The following LAMP2 variants were observed in gnomAD, a reference collection of about 807,000 sequenced individuals.
The protein encoded by LAMP2 is lysosome associated membrane protein 2.
Under a neutral mutation model 25.6 loss-of-function variants are expected in LAMP2, and 4 were observed. The ratio of observed to expected loss-of-function variants is 0.16; its 90% CI spans 0.08 to 0.36. The LOEUF is 0.36. Among genes scored for constraint, LAMP2 ranks in the 10% least tolerant of loss-of-function variants. LAMP2 has a pLI of 1.00. For missense variants in LAMP2, 272 were observed against 301.4 expected (o/e 0.90, Z 0.72); for synonymous variants, 108 against 112.7 (o/e 0.96, Z 0.27).
At chrX:120,434,485 A>G (rs1414630178) in intron 8 of LAMP2, among the ~76,000 whole-genome samples, 1 of 112,264 alleles carries the variant, frequency 8.9e-6, no homozygotes, top group East Asian at 2.8e-4. Flanking sequence ...TGTTGGTAAA[A>G]CAGTAACTTT....
chrX:120,452,524 T>C (rs2058625780), intron 3 of LAMP2, among the ~76,000 whole-genome samples: 1 of 110,411 alleles, frequency 9.1e-6, no homozygotes, highest in Admixed American at 9.7e-5. Flanking sequence ...CGGGAACACT[T>C]TTAAATCAGC....
chrX:120,438,184 G>A, intron 8 of LAMP2: 1 of 752,370 alleles, frequency 1.3e-6, no homozygotes, highest in Non-Finnish European at 1.6e-6. Context: ...ATAAGTGTAA[G>A]TGCACTTCGT....
In LAMP2 at chrX:120,436,412, A is replaced by G. The variant is rs777446260; in HGVS notation, c.1094-4950T>C. The G allele has an allele frequency of 6.3e-4, 366 of 576,828 alleles. 1 individual carries two copies. The highest frequency in any genetic ancestry group is 7.3e-4 in the Non-Finnish European group (347 of 478,607). The allele number at this position is 576,828 out of a possible 1,213,427, so 47.5% of individuals were successfully genotyped here. On this transcript the variant is annotated intron_variant, in intron 8 of 8. Coordinates refer to ENST00000200639, the MANE Select transcript of LAMP2 (RefSeq NM_002294.3). Reference sequence around the variant, plus strand: ...TTCAGTTCTACTTCTAAACATTTCTAAAGTTTTTCCATTTGAAAGAAATTG... The same window carrying G: ...TTCAGTTCTACTTCTAAACATTTCTGAAGTTTTTCCATTTGAAAGAAATTG...
At chrX:120,440,804 T>C (rs1322263258) in intron 8 of LAMP2, among the ~76,000 whole-genome samples, 2 of 112,853 alleles carry the variant, frequency 1.8e-5, no homozygotes, top group Non-Finnish European at 3.7e-5. Context: ...AAAATATTTT[T>C]AAAGTGTAAC....
chrX:120,441,719 T>C lies in LAMP2; in HGVS notation c.1093+11A>G, dbSNP rs1477812556. 1.7e-6 allele frequency: 2 copies of C among 1,190,504 alleles called. No individual in the cohort carries two copies. The highest frequency in any genetic ancestry group is 5.9e-5 in the East Asian group (2 of 33,722). On this transcript the variant is annotated intron_variant, in intron 8 of 8. Coordinates refer to ENST00000200639, the MANE Select transcript of LAMP2 (RefSeq NM_002294.3). ...AACATAAATTATTAATGAAGTTTGC[T>C]TGATTCTTACCTGTAGAATACTTTC...
In LAMP2 at chrX:120,426,166, CTTTA is replaced by C. The variant is rs1415802245; in HGVS notation, c.*5153_*5156del. On this transcript the variant is annotated 3_prime_UTR_variant, in exon 9 of 9. Transcript: ENST00000200639. ...TCCATAGTGGTATGGAATGTATGAT[CTTTA>C]TTAATTTTTAATCCATCAATCTAAA... Among the ~76,000 whole-genome samples the C allele has an allele frequency of 2.0e-5, 2 of 100,253 alleles. No homozygotes were observed. Among genetic ancestry groups the C allele is most frequent in the Non-Finnish European group, 4.0e-5 (2 of 49,642 alleles). 87.1% of individuals were successfully genotyped at this position (100,253 alleles called of 115,157 possible). A position where few individuals can be genotyped will look rare whatever the true frequency, so the allele number is the denominator to read the frequency against.
chrX:120,431,696 A>G (rs2058523770), intron 8 of LAMP2, among the ~76,000 whole-genome samples: 1 of 112,769 alleles, frequency 8.9e-6, no homozygotes, highest in Admixed American at 9.4e-5. Context: ...TTTTGGATGA[A>G]AAATGTATAA....
At position 120,431,290 on chromosome X, in the gene LAMP2, T is replaced by G. The variant is rs745798436; in HGVS notation, c.*33A>C. On this transcript the variant is annotated 3_prime_UTR_variant, in exon 9 of 9. Coordinates refer to ENST00000200639, the MANE Select transcript of LAMP2 (RefSeq NM_002294.3). ...AGGTAAGAAAATCTTGTTATTTGCATGTATTTTTATATAATCAATCAGGTT... is the reference window on the plus strand; with the variant it reads ...AGGTAAGAAAATCTTGTTATTTGCAGGTATTTTTATATAATCAATCAGGTT... 2.5e-6 allele frequency: 3 copies of G among 1,209,026 alleles called. No homozygotes were observed. The highest frequency in any genetic ancestry group is 1.7e-5 in the African/African-American group (1 of 57,856).
chrX:120,448,975 G>A lies in LAMP2; in HGVS notation c.551C>T (p.Thr184Ile). ...QAFVQNGTVS[T>I]NEFLCDKDKT... The stretch of plus-strand genomic sequence containing the variant: ...GAAATATATACTTTACTCACCATTT[G>A]TGCTCACTGTGCCATTTTGGACAAA... The change falls in exon 4 of 9, where the codon ACA becomes ATA. Residue 184 changes from threonine to isoleucine, a missense_variant. By Grantham distance (89) the Thr-to-Ile change is moderately conservative. Transcript: ENST00000200639. The A allele has an allele frequency of 8.3e-7, 1 of 1,206,726 alleles. No individual in the cohort carries two copies. Among genetic ancestry groups the A allele is most frequent in the Admixed American group, 2.2e-5 (1 of 45,987 alleles).
intron 6 of LAMP2, among the ~76,000 whole-genome samples, chrX:120,443,236 T>C (rs1412843151): frequency 3.6e-5 from 4 of 111,290 alleles, no homozygotes; most frequent in Non-Finnish European, 5.7e-5. Flanking sequence ...AGGAGAGAAA[T>C]CACTTCCAAA....
chrX:120,443,864 C>T (rs2058584515), intron 6 of LAMP2, among the ~76,000 whole-genome samples: 1 of 110,882 alleles, frequency 9.0e-6, no homozygotes, highest in African/African-American at 3.3e-5. Context: ...GCCTGTAGTT[C>T]CAGCTATTTG....
At chrX:120,456,904 A>G (rs1193630302) in intron 1 of LAMP2, 135 bp from the exon 2 acceptor site, 1 of 367,172 alleles carries the variant, frequency 2.7e-6, no homozygotes, top group Non-Finnish European at 4.8e-6. Context: ...ATATATACAC[A>G]TACATATATA....
intron 8 of LAMP2, among the ~76,000 whole-genome samples, chrX:120,436,170 A>ACACACACT (rs1251901451): frequency 2.0e-3 from 116 of 57,302 alleles, no homozygotes; most frequent in African/African-American, 5.3e-3. Context: ...ACACACACAC[A>ACACACACT]CTCTCTCTCT....
At chrX:120,462,921 C>T (rs1474237558) in intron 1 of LAMP2, among the ~76,000 whole-genome samples, 2 of 111,882 alleles carry the variant, frequency 1.8e-5, no homozygotes, top group African/African-American at 6.5e-5. Context: ...AAGAAATTTG[C>T]CAAACAAGTT....
At chrX:120,465,822 C>T in intron 1 of LAMP2, among the ~76,000 whole-genome samples, 1 of 111,899 alleles carries the variant, frequency 8.9e-6, no homozygotes, top group East Asian at 2.8e-4. Flanking sequence ...AGGTACTTTA[C>T]AAATATTTAT....
chrX:120,436,931 C>A, intron 8 of LAMP2: 3 of 751,348 alleles, frequency 4.0e-6, no homozygotes, highest in Non-Finnish European at 4.7e-6. Context: ...CAGTGCCATG[C>A]ACTTGTGCTT....
intron 1 of LAMP2, among the ~76,000 whole-genome samples, chrX:120,463,022 T>C (rs1275837360): frequency 2.7e-5 from 3 of 112,388 alleles, no homozygotes; most frequent in African/African-American, 9.7e-5. Flanking sequence ...TTCATCATAT[T>C]AAATTCTGGA....
intron 8 of LAMP2, among the ~76,000 whole-genome samples, chrX:120,434,665 T>G (rs2058535724): frequency 8.9e-6 from 1 of 111,976 alleles, no homozygotes; most frequent in Non-Finnish European, 1.9e-5. Context: ...TTTTAAAGAT[T>G]AAAAAGTTCC....
rs1602534831 is a variant in LAMP2, at chrX:120,446,438, A to G, written c.742-11T>C. ...AATAACTGAAGCAACCTTCAGGAGA[A>G]GAAGAAAGGGAAAAGGTACAGGTTA... On this transcript the variant is annotated splice_polypyrimidine_tract_variant and intron_variant, in intron 5 of 8. Coordinates refer to ENST00000200639, the MANE Select transcript of LAMP2 (RefSeq NM_002294.3). 1 of 1,207,852 alleles carries G rather than the reference A, an allele frequency of 8.3e-7. No individual in the cohort carries two copies. The highest frequency in any genetic ancestry group is 1.1e-6 in the Non-Finnish European group (1 of 893,641).
Sources: allele counts gnomAD v4.1 joint callset (sites outside exome capture counted in the v4.1 genomes callset), GRCh38; gene constraint gnomAD v4.1.1; transcripts MANE v1.5; gene names NCBI Gene and HGNC (gene_info 2026-07-23, HGNC 2026-07-21).